FGB: variants seen among roughly 807,000 people sequenced by gnomAD.
The protein encoded by FGB is fibrinogen beta chain.
In FGB, 25 loss-of-function variants were observed where a neutral mutation model predicts 57.9. The ratio of observed to expected loss-of-function variants is 0.43; its 90% CI spans 0.31 to 0.60. The LOEUF (loss-of-function observed/expected upper bound fraction) is 0.60, where lower values mean the gene tolerates loss of function less well. Among genes scored for constraint, FGB ranks in the 20% least tolerant of loss-of-function variants. The pLI is 0.08. For synonymous variants in FGB, 203 were observed against 199.2 expected (o/e 1.02, Z -0.16); for missense variants, 536 against 598.4 (o/e 0.90, Z 1.09).
Position 154,569,279 on chromosome 4 carries a change from A to G in FGB, c.930A>G (p.Thr310=), listed in dbSNP as rs746345704. The G allele has an allele frequency of 1.2e-6, 2 of 1,614,162 alleles. No homozygotes were observed. The highest frequency in any genetic ancestry group is 1.7e-6 in the Non-Finnish European group (2 of 1,179,998). Reference sequence around the variant, plus strand: ...GATTTGGAAATGTTGCAACCAACACAGATGGGAAGAATTACTGTGGCCTAC... The same window carrying G: ...GATTTGGAAATGTTGCAACCAACACGGATGGGAAGAATTACTGTGGCCTAC... ...KQGFGNVATN[T]DGKNYCGLPG... Residue 310 remains threonine, a synonymous_variant, in exon 6 of 8, where the codon ACA becomes ACG. Coordinates refer to ENST00000302068, the MANE Select transcript of FGB (RefSeq NM_005141.5).
Position 154,563,116 on chromosome 4 carries a change from T to A in FGB, c.98T>A (p.Val33Asp). The A allele has an allele frequency of 6.6e-7, 1 of 1,523,106 alleles. No homozygotes were observed. The highest frequency in any genetic ancestry group is 9.0e-7 in the Non-Finnish European group (1 of 1,115,258). The allele number at this position is 1,523,106 out of a possible 1,614,324, so 94.3% of individuals were successfully genotyped here. The stretch of plus-strand genomic sequence containing the variant: ...GTTTTTCTAGTTAAGTCCCAAGGTG[T>A]CAACGACAATGAGGAGGTGAATTTT... ...LCVFLVKSQG[V>D]NDNEEGFFSA... The change falls in exon 1 of 8, where the codon GTC becomes GAC. Residue 33 changes from valine to aspartate, a missense_variant. Physicochemically the swap from Val to Asp is radical, Grantham distance 152. Around this residue, in one of 3 missense-constraint regions of FGB, gnomAD observed 354 missense variants for 383.4 expected, o/e 0.92. Transcript: ENST00000302068.
In FGB at chr4:154,568,409, T is replaced by A; in HGVS notation, c.747T>A (p.Gly249=). Residue 249 remains glycine, a synonymous_variant, in exon 5 of 8, where the codon GGT becomes GGA. Coordinates refer to ENST00000302068, the MANE Select transcript of FGB (RefSeq NM_005141.5). ...GTGAGGAAATTATCAGGAAAGGAGG[T>A]GAAACATCTGAAATGTATCTCATTC... The part of the protein sequence containing the change: ...KECEEIIRKG[G]ETSEMYLIQP... 6.2e-7 allele frequency: 1 copy of A among 1,603,232 alleles called. No homozygotes were observed. The highest frequency in any genetic ancestry group is 8.5e-7 in the Non-Finnish European group (1 of 1,170,148).
At chr4:154,567,463 A>G in intron 3 of FGB, 130 bp from the exon 4 acceptor site, 1 of 671,868 alleles carries the variant, frequency 1.5e-6, no homozygotes, top group Admixed American at 2.3e-5. Context: ...ATATGACTAT[A>G]TATCATAACT....
At chr4:154,569,388 C>G in intron 6 of FGB, 81 bp downstream of exon 6, 7 of 1,595,694 alleles carry the variant, frequency 4.4e-6, no homozygotes, top group Non-Finnish European at 5.2e-6. Flanking sequence ...TTGTTGGAAG[C>G]CTGTTTTAGG....
chr4:154,571,568 C>G lies in FGB; in HGVS notation c.*918C>G, dbSNP rs2227424. On this transcript the variant is annotated 3_prime_UTR_variant, in exon 8 of 8. Transcript: ENST00000302068. ...TCAGAGATTCCAAGAGGACAATCTG[C>G]ATCAAGTCTTCACCAAGTGTTTTTT... 0.14 allele frequency among the ~76,000 whole-genome samples: 21,580 copies of G among 151,958 alleles called. 1,880 individuals carry two copies. The highest frequency in any genetic ancestry group is 0.22 in the East Asian group (1,131 of 5,162).
chr4:154,568,561 C>A, intron 5 of FGB, 67 bp downstream of exon 5: 3 of 925,980 alleles, frequency 3.2e-6, no homozygotes, highest in South Asian at 2.6e-5. Flanking sequence ...TGCCAGGAAA[C>A]AAGGCCAGGT....
chr4:154,571,269 T>C lies in FGB; in HGVS notation c.*619T>C, dbSNP rs2227439. ...CTATAATCCCAACACTTTGGGAGGC[T>C]GAGGCGGGCGGTCACAAGGTCAGGA... is the stretch of plus-strand genomic sequence containing the variant. On this transcript the variant is annotated 3_prime_UTR_variant, in exon 8 of 8. Transcript: ENST00000302068. Among the ~76,000 whole-genome samples, 138,249 of 151,990 alleles carry C rather than the reference T, an allele frequency of 0.91. 63,088 individuals carry two copies. Among genetic ancestry groups the C allele is most frequent in the African/African-American group, 0.98 (40,575 of 41,458 alleles).
Position 154,569,698 on chromosome 4 carries a change from T to A in FGB, c.1143T>A (p.Asn381Lys). 6 of 1,614,080 alleles carry A rather than the reference T, an allele frequency of 3.7e-6. No homozygotes were observed. The highest frequency in any genetic ancestry group is 5.1e-6 in the Non-Finnish European group (6 of 1,179,982). The part of the protein sequence containing the change: ...SVNKYRGTAG[N>K]ALMDGASQLM... ...ACAAATACAGAGGAACAGCCGGTAA[T>A]GCCCTCATGGATGGAGCATCTCAGC... Residue 381 changes from asparagine (N) to lysine (K), a missense_variant, in exon 7 of 8, where the codon AAT becomes AAA. This residue lies in a region of FGB where 177 missense variants were observed against 193.7 expected (regional missense o/e 0.91). Transcript: ENST00000302068.
In FGB at chr4:154,571,963, T is replaced by C. The variant is rs1201914227; in HGVS notation, c.*1313T>C. Reference sequence around the variant, plus strand: ...TACTCACCAAATCCAACTTTAACTTTTGACCTGGTTTCTCTGCCACAAGTT... The same window carrying C: ...TACTCACCAAATCCAACTTTAACTTCTGACCTGGTTTCTCTGCCACAAGTT... On this transcript the variant is annotated 3_prime_UTR_variant, in exon 8 of 8. Transcript: ENST00000302068. Among the ~76,000 whole-genome samples the C allele has an allele frequency of 6.6e-6, 1 of 152,194 alleles. No individual in the cohort carries two copies. The highest frequency in any genetic ancestry group is 1.5e-5 in the Non-Finnish European group (1 of 68,028).
At chr4:154,568,949 T>A (rs1439231663) in intron 5 of FGB, among the ~76,000 whole-genome samples, 1 of 152,190 alleles carries the variant, frequency 6.6e-6, no homozygotes, top group African/African-American at 2.4e-5. Flanking sequence ...GAATTCAACC[T>A]GATATTTAAA....
Position 154,569,622 on chromosome 4 carries a change from A to G in FGB, c.1067A>G (p.Tyr356Cys). 1.9e-6 allele frequency: 3 copies of G among 1,614,210 alleles called. No individual in the cohort carries two copies. Among genetic ancestry groups the G allele is most frequent in the Non-Finnish European group, 2.5e-6 (3 of 1,180,030 alleles). The change falls in exon 7 of 8, where the codon TAT becomes TGT. Residue 356 changes from tyrosine to cysteine, a missense_variant. Tyr to Cys is a radical substitution (Grantham distance 194). Transcript: ENST00000302068. ...AAAGGAGACAAAGTAAAGGCTCACTATGGAGGATTCACTGTACAGAATGAA... is the reference window on the plus strand; with the variant it reads ...AAAGGAGACAAAGTAAAGGCTCACTGTGGAGGATTCACTGTACAGAATGAA... The part of the protein sequence containing the change: ...DWKGDKVKAH[Y>C]GGFTVQNEAN...
intron 5 of FGB, 131 bp downstream of exon 5, chr4:154,568,625 A>G (rs1315170328): frequency 6.0e-6 from 4 of 668,380 alleles, no homozygotes; most frequent in Non-Finnish European, 1.1e-5. Flanking sequence ...GTGGGCTGAT[A>G]GCTTGAGCCT....
chr4:154,569,580 T>C lies in FGB; in HGVS notation c.1025T>C (p.Ile342Thr), dbSNP rs766420576. Residue 342 changes from isoleucine to threonine, a missense_variant, in exon 7 of 8, where the codon ATA (isoleucine) becomes ACA (threonine). Ile to Thr is a moderately conservative substitution (Grantham distance 89). Coordinates refer to ENST00000302068, the MANE Select transcript of FGB (RefSeq NM_005141.5). ...LTRMGPTELL[I>T]EMEDWKGDKV... The stretch of plus-strand genomic sequence containing the variant: ...AGGATGGGACCCACAGAACTTTTGA[T>C]AGAAATGGAGGACTGGAAAGGAGAC... 1.1e-5 allele frequency: 17 copies of C among 1,613,960 alleles called. No homozygotes were observed. The highest frequency in any genetic ancestry group is 6.6e-5 in the South Asian group (6 of 91,064).
At position 154,570,963 on chromosome 4, in the gene FGB, C is replaced by G. The variant is rs1253768307; in HGVS notation, c.*313C>G. The G allele has an allele frequency of 2.6e-6, 1 of 383,462 alleles. No individual in the cohort carries two copies. Among genetic ancestry groups the G allele is most frequent in the Non-Finnish European group, 4.9e-6 (1 of 205,852 alleles). The allele number at this position is 383,462 out of a possible 1,614,324, so 23.8% of individuals were successfully genotyped here. The stretch of plus-strand genomic sequence containing the variant: ...GTCTTTTATCCTTGTCGTAGGAAAA[C>G]CATGACGGAAAGGAAAAACTGATGT... On this transcript the variant is annotated 3_prime_UTR_variant, in exon 8 of 8. Coordinates refer to ENST00000302068, the MANE Select transcript of FGB (RefSeq NM_005141.5).
Position 154,569,164 on chromosome 4 carries a change from T to A in FGB, c.833-18T>A. The A allele has an allele frequency of 6.2e-7, 1 of 1,614,060 alleles. No individual in the cohort carries two copies. The highest frequency in any genetic ancestry group is 1.1e-5 in the South Asian group (1 of 91,080). On this transcript the variant is annotated intron_variant, in intron 5 of 7. Transcript: ENST00000302068. Reference sequence around the variant, plus strand: ...GCTGTTGGTTAATATATGCTCTTTTTGTTTCTGTCAACCAAAGGATGGACA... The same window carrying A: ...GCTGTTGGTTAATATATGCTCTTTTAGTTTCTGTCAACCAAAGGATGGACA...
chr4:154,567,337 C>T (rs1209190714), intron 3 of FGB, among the ~76,000 whole-genome samples: 1 of 152,114 alleles, frequency 6.6e-6, no homozygotes, highest in East Asian at 1.9e-4. Context: ...AAATAAACAA[C>T]CTATTTCATT....
intron 4 of FGB, 174 bp downstream of exon 4, chr4:154,567,994 CA>C (rs902955678): frequency 3.0e-6 from 2 of 677,478 alleles, no homozygotes; most frequent in Admixed American, 2.2e-5. Flanking sequence ...TGGCCTGGTG[CA>C]TTTGCTGGTT....
In FGB at chr4:154,571,777, C is replaced by T. The variant is rs560553573; in HGVS notation, c.*1127C>T. Among the ~76,000 whole-genome samples the T allele has an allele frequency of 3.3e-5, 5 of 152,282 alleles. No homozygotes were observed. Among genetic ancestry groups the T allele is most frequent in the African/African-American group, 9.6e-5 (4 of 41,582 alleles). ...ATCATCTCAACACTTCACTCCAAGTCGCCACGGGCAACCTTATGACCCTAG... is the reference window on the plus strand; with the variant it reads ...ATCATCTCAACACTTCACTCCAAGTTGCCACGGGCAACCTTATGACCCTAG... On this transcript the variant is annotated 3_prime_UTR_variant, in exon 8 of 8. Transcript: ENST00000302068.
chr4:154,569,728 G>A lies in FGB; in HGVS notation c.1173G>A (p.Met391Ile), dbSNP rs1730337451. The change falls in exon 7 of 8, where the codon ATG (methionine) becomes ATA (isoleucine). Residue 391 changes from methionine (M) to isoleucine (I), a missense_variant. Coordinates refer to ENST00000302068, the MANE Select transcript of FGB (RefSeq NM_005141.5). Reference sequence around the variant, plus strand: ...TCATGGATGGAGCATCTCAGCTGATGGGAGAAAACAGGACCATGACCATTC... The same window carrying A: ...TCATGGATGGAGCATCTCAGCTGATAGGAGAAAACAGGACCATGACCATTC... ...NALMDGASQL[M>I]GENRTMTIHN... The A allele has an allele frequency of 6.2e-7, 1 of 1,613,990 alleles. No individual in the cohort carries two copies. The highest frequency in any genetic ancestry group is 1.7e-5 in the Admixed American group (1 of 59,988).
Sources: gnomAD v4.1 joint callset for allele counts (sites outside exome capture counted in the v4.1 genomes callset) on GRCh38, gnomAD v4.1.1 for gene constraint, gnomAD v4.1.1 regional missense constraint, MANE v1.5 for transcripts, NCBI Gene and HGNC (gene_info 2026-07-23, HGNC 2026-07-21) for gene names.